ZNF697: variants seen among roughly 807,000 people sequenced by gnomAD.
ZNF697 encodes zinc finger protein 697.
A neutral mutation model predicts 32.4 loss-of-function variants in ZNF697; 23 were observed. That is an observed-to-expected ratio of 0.71 (90% CI 0.51 to 1.01). ZNF697 has a LOEUF of 1.01. Among genes scored for constraint, ZNF697 ranks in the 50% least tolerant of loss-of-function variants. ZNF697 has a pLI of 0.00. For missense variants in ZNF697, 930 were observed against 794.0 expected (o/e 1.17, Z -2.06); for synonymous variants, 418 against 337.2 (o/e 1.24, Z -2.62).
At position 119,623,865 on chromosome 1, in the gene ZNF697, G is replaced by A. The variant is rs1181583100; in HGVS notation, c.478C>T (p.His160Tyr). The change falls in exon 3 of 3, where the codon CAC becomes TAC. Residue 160 changes from histidine to tyrosine, a missense_variant. Physicochemically the swap from His to Tyr is moderately conservative, Grantham distance 83 (BLOSUM62 2). Transcript: ENST00000421812. ...TGGTGGAGCCGGTGGAAGCGGCGGTGGGCGGGCTTGTCACCTCGGTGCCGA... is the reference window on the plus strand; with the variant it reads ...TGGTGGAGCCGGTGGAAGCGGCGGTAGGCGGGCTTGTCACCTCGGTGCCGA... Reference protein sequence around the residue: ...GSRHRGDKPAHRRFHRLHHPM... With the variant: ...GSRHRGDKPAYRRFHRLHHPM... 1 of 1,541,784 alleles carries A rather than the reference G, an allele frequency of 6.5e-7. No individual in the cohort carries two copies.
chr1:119,633,508 A>G (rs1292533328), intron 1 of ZNF697, among the ~76,000 whole-genome samples: 2 of 151,306 alleles, frequency 1.3e-5, no homozygotes, highest in Non-Finnish European at 3.0e-5. Context: ...GACCCAAGAG[A>G]GCAGATGCAG....
intron 1 of ZNF697, among the ~76,000 whole-genome samples, chr1:119,645,318 C>G (rs1557943106): frequency 6.6e-6 from 1 of 152,178 alleles, no homozygotes; most frequent in Non-Finnish European, 1.5e-5. Context: ...TCCTTTCACT[C>G]CTTCTTTGAT....
At chr1:119,625,266 C>T (rs1648543376) in intron 2 of ZNF697, among the ~76,000 whole-genome samples, 1 of 152,158 alleles carries the variant, frequency 6.6e-6, no homozygotes. Context: ...TTTCTGTCCC[C>T]AGAGCATGCA....
Position 119,623,088 on chromosome 1 carries a change from T to C in ZNF697, c.1255A>G (p.Ser419Gly), listed in dbSNP as rs1470881745. ...YMCSECGETF[S>G]VSSHLFTHKR... The stretch of plus-strand genomic sequence containing the variant: ...TGCGTGAAGAGGTGCGAGCTGACGC[T>C]GAAGGTCTCGCCGCACTCGGAGCAC... The change falls in exon 3 of 3, where the codon AGC becomes GGC. Residue 419 changes from serine (S) to glycine (G), a missense_variant. Coordinates refer to ENST00000421812, the MANE Select transcript of ZNF697 (RefSeq NM_001080470.2). 1.9e-6 allele frequency: 3 copies of C among 1,587,416 alleles called. No individual in the cohort carries two copies. Among genetic ancestry groups the C allele is most frequent in the Non-Finnish European group, 2.6e-6 (3 of 1,167,236 alleles).
At chr1:119,625,777 T>C in intron 2 of ZNF697, 98 bp downstream of exon 2, 1 of 1,472,110 alleles carries the variant, frequency 6.8e-7, no homozygotes, top group Non-Finnish European at 9.1e-7. Flanking sequence ...TCTATGGAAC[T>C]CCCTTACAGA....
At position 119,622,665 on chromosome 1, in the gene ZNF697, C is replaced by G. The variant is rs113362272; in HGVS notation, c.*40G>C. On this transcript the variant is annotated 3_prime_UTR_variant, in exon 3 of 3. Transcript: ENST00000421812. Reference sequence around the variant, plus strand: ...GGTCAGTCCCAGGATATCTACCCCCCACAGGCTCCCCAGACGGCAGCCTCC... The same window carrying G: ...GGTCAGTCCCAGGATATCTACCCCCGACAGGCTCCCCAGACGGCAGCCTCC... 20 of 1,473,568 alleles carry G rather than the reference C, an allele frequency of 1.4e-5. No homozygotes were observed. The Admixed American group carries it at 2.1e-4, about 15-fold the overall frequency. The allele number at this position is 1,473,568 out of a possible 1,614,324, so 91.3% of individuals were successfully genotyped here.
chr1:119,623,585 G>C lies in ZNF697; in HGVS notation c.758C>G (p.Ala253Gly). The change falls in exon 3 of 3, where the codon GCC (alanine) becomes GGC (glycine). Residue 253 changes from alanine (A) to glycine (G), a missense_variant. Transcript: ENST00000421812. ...GAAGGGCTTTTCGCGCGGGGGCCGGGCCAGCGGGGGCCCGGCCCCGAAGCC... is the reference window on the plus strand; with the variant it reads ...GAAGGGCTTTTCGCGCGGGGGCCGGCCCAGCGGGGGCCCGGCCCCGAAGCC... ...AGGFGAGPPLARPPREKPFRC... is the reference protein window; with the variant it reads ...AGGFGAGPPLGRPPREKPFRC... 4 of 1,439,830 alleles carry C rather than the reference G, an allele frequency of 2.8e-6. No individual in the cohort carries two copies. Among genetic ancestry groups the C allele is most frequent in the Non-Finnish European group, 2.7e-6 (3 of 1,109,122 alleles). 89.2% of individuals were successfully genotyped at this position (1,439,830 alleles called of 1,614,324 possible). A position where few individuals can be genotyped will look rare whatever the true frequency, so the allele number is the denominator to read the frequency against.
In ZNF697 at chr1:119,625,906, C is replaced by T. The variant is rs1398757677; in HGVS notation, c.195G>A (p.Arg65=). 1.9e-6 allele frequency: 3 copies of T among 1,613,824 alleles called. No individual in the cohort carries two copies. Among genetic ancestry groups the T allele is most frequent in the Non-Finnish European group, 2.5e-6 (3 of 1,179,842 alleles). The change falls in exon 2 of 3, where the codon AGG becomes AGA. Residue 65 remains arginine, a synonymous_variant. Transcript: ENST00000421812. ...PEMGSNPQDS[R]HREAVPDICT... is the part of the protein sequence containing the mutation. ...AGATGTCGGGCACTGCTTCCCTGTG[C>T]CTTGAGTCCTGTGGGTTGGAGCCCA...
chr1:119,626,429 A>C (rs10802127), intron 1 of ZNF697, among the ~76,000 whole-genome samples: 34,744 of 152,156 alleles, frequency 0.23, 4,090 homozygotes, highest in African/African-American at 0.28. Context: ...ATAGTTTAAC[A>C]GTGAACTAGA....
chr1:119,636,796 C>G (rs1271571664), intron 1 of ZNF697, among the ~76,000 whole-genome samples: 3 of 152,196 alleles, frequency 2.0e-5, no homozygotes, highest in Non-Finnish European at 4.4e-5. Context: ...TCCAACATAA[C>G]CTTTGGTGCT....
Position 119,626,019 on chromosome 1 carries a change from CAG to C in ZNF697, c.80_81del (p.Ser27Ter). On this transcript the variant is annotated frameshift_variant, in exon 2 of 3. Coordinates refer to ENST00000421812, the MANE Select transcript of ZNF697 (RefSeq NM_001080470.2). LOFTEE classifies it high-confidence loss of function. ...TCTTCTGGGTCCCCTTCCCTGTCCT[CAG>C]AGTCCTCAAAATCAGAACCCATCCC... is the stretch of plus-strand genomic sequence containing the variant. Reference protein sequence around the residue: ...DKGMGSDFEDSEDREGDPEER... With the variant: ...DKGMGSDFEDXEDREGDPEER... 6.2e-7 allele frequency: 1 copy of C among 1,613,990 alleles called. No individual in the cohort carries two copies. The highest frequency in any genetic ancestry group is 8.5e-7 in the Non-Finnish European group (1 of 1,179,884).
At chr1:119,631,582 G>A (rs1328385671) in intron 1 of ZNF697, among the ~76,000 whole-genome samples, 1 of 151,452 alleles carries the variant, frequency 6.6e-6, no homozygotes, top group Non-Finnish European at 1.5e-5. Context: ...ATCACTCCCA[G>A]CCCCCGCTTG....
In ZNF697 at chr1:119,648,241, G is replaced by C. The variant is rs1034745654; in HGVS notation, c.-588C>G. Among the ~76,000 whole-genome samples the C allele has an allele frequency of 6.6e-6, 1 of 152,076 alleles. No individual in the cohort carries two copies. The highest frequency in any genetic ancestry group is 2.4e-5 in the African/African-American group (1 of 41,432). ...GGCTGGCTGGCTGGCTGGCTCGCTG[G>C]CTGGCTGCCCGGCTGACTCCTCACT... On this transcript the variant is annotated 5_prime_UTR_variant, in exon 1 of 3. Coordinates refer to ENST00000421812, the MANE Select transcript of ZNF697 (RefSeq NM_001080470.2).
chr1:119,630,300 A>T (rs1347354987), intron 1 of ZNF697, among the ~76,000 whole-genome samples: 1 of 152,252 alleles, frequency 6.6e-6, no homozygotes, highest in East Asian at 1.9e-4. Context: ...GGAAGGCATC[A>T]TTGTCAGTTT....
At position 119,648,108 on chromosome 1, in the gene ZNF697, G is replaced by A. The variant is rs1255926154; in HGVS notation, c.-455C>T. 6.6e-6 allele frequency among the ~76,000 whole-genome samples: 1 copy of A among 152,222 alleles called. No individual in the cohort carries two copies. The highest frequency in any genetic ancestry group is 2.4e-5 in the African/African-American group (1 of 41,566). ...TGGCGCGGCGAGGAGCTAGGGCACC[G>A]AGCGCCCCGGCCCGAGCCCCGCACC... On this transcript the variant is annotated 5_prime_UTR_variant, in exon 1 of 3. Coordinates refer to ENST00000421812, the MANE Select transcript of ZNF697 (RefSeq NM_001080470.2).
chr1:119,623,827 C>A lies in ZNF697; in HGVS notation c.516G>T (p.Val172=). The change falls in exon 3 of 3, where the codon GTG becomes GTT. Residue 172 remains valine, a synonymous_variant. Transcript: ENST00000421812. ...CCAGGCTATCCAGCTCCCCGAGGTC[C>A]ACGGCCATGGGGTGGTGGAGCCGGT... ...RFHRLHHPMA[V]DLGELDSLVA... 1 of 1,547,976 alleles carries A rather than the reference C, an allele frequency of 6.5e-7. No individual in the cohort carries two copies. The highest frequency in any genetic ancestry group is 8.7e-7 in the Non-Finnish European group (1 of 1,145,644).
chr1:119,622,902 T>C lies in ZNF697; in HGVS notation c.1441A>G (p.Thr481Ala). ...EKRFSDFSTL[T>A]QHQRTHTGEK... ...CCCGTGTGCGTGCGCTGGTGCTGCG[T>C]GAGCGTGGAGAAGTCGCTGAAGCGC... Residue 481 changes from threonine to alanine, a missense_variant, in exon 3 of 3, where the codon ACG becomes GCG. Coordinates refer to ENST00000421812, the MANE Select transcript of ZNF697 (RefSeq NM_001080470.2). The C allele has an allele frequency of 6.3e-7, 1 of 1,588,098 alleles. No homozygotes were observed. The highest frequency in any genetic ancestry group is 8.6e-7 in the Non-Finnish European group (1 of 1,169,574).
At chr1:119,629,510 C>G (rs1203039235) in intron 1 of ZNF697, among the ~76,000 whole-genome samples, 1 of 152,222 alleles carries the variant, frequency 6.6e-6, no homozygotes, top group African/African-American at 2.4e-5. Context: ...ATCCTCTGCT[C>G]TTTGCCAGCC....
Position 119,620,833 on chromosome 1 carries a change from T to G in ZNF697, c.*1872A>C, listed in dbSNP as rs1336161157. 1 of 152,626 alleles carries G rather than the reference T, an allele frequency of 6.6e-6. No homozygotes were observed. Among genetic ancestry groups the G allele is most frequent in the Non-Finnish European group, 1.5e-5 (1 of 68,032 alleles). The allele number at this position is 152,626 out of a possible 1,614,324, so 9.5% of individuals were successfully genotyped here. A position where few individuals can be genotyped will look rare whatever the true frequency, so the allele number is the denominator to read the frequency against. On this transcript the variant is annotated 3_prime_UTR_variant, in exon 3 of 3. Transcript: ENST00000421812. Reference sequence around the variant, plus strand: ...TAGAATACAACTGATCAAGTATAAATTACTAGCATCCACAGAAACTTTGCT... The same window carrying G: ...TAGAATACAACTGATCAAGTATAAAGTACTAGCATCCACAGAAACTTTGCT...
Sources: allele counts gnomAD v4.1 joint callset (sites outside exome capture counted in the v4.1 genomes callset), GRCh38; gene constraint gnomAD v4.1.1; transcripts MANE v1.5; gene names NCBI Gene and HGNC (gene_info 2026-07-23, HGNC 2026-07-21).